RASA2: variants seen among roughly 807,000 people sequenced by gnomAD.
RASA2 encodes the protein RAS p21 protein activator 2.
A neutral mutation model predicts 118.2 loss-of-function variants in RASA2; 155 were observed. The ratio of observed to expected loss-of-function variants is 1.31; its 90% confidence interval spans 1.15 to 1.50. The LOEUF (loss-of-function observed/expected upper bound fraction) is 1.50, where lower values mean the gene tolerates loss of function less well. RASA2 is among the 40% of genes most tolerant of loss of function. RASA2 has a pLI of 0.00. For synonymous variants in RASA2, 353 were observed against 349.1 expected (o/e 1.01, Z -0.12); for missense variants, 1,016 against 1,009.6 (o/e 1.01, Z -0.09).
intron 5 of RASA2, 119 bp downstream of exon 5, chr3:141,540,728 A>T: frequency 3.9e-6 from 3 of 768,596 alleles, no homozygotes; most frequent in South Asian, 1.8e-5. Flanking sequence ...AAATTCTGCT[A>T]TGTCATTCCT....
chr3:141,521,229 C>T (rs1232331188), intron 3 of RASA2, among the ~76,000 whole-genome samples: 3 of 151,894 alleles, frequency 2.0e-5, no homozygotes, highest in Non-Finnish European at 4.4e-5. Flanking sequence ...TTGGAATGAA[C>T]GAAATTACCT....
At position 141,609,595 on chromosome 3, in the gene RASA2, A is replaced by G; in HGVS notation, c.2329+72A>G. 2.5e-6 allele frequency: 3 copies of G among 1,201,978 alleles called. No individual in the cohort carries two copies. The East Asian group carries it at 7.7e-5, about 31-fold the overall frequency. 74.5% of individuals were successfully genotyped at this position (1,201,978 alleles called of 1,614,324 possible). On this transcript the variant is annotated intron_variant, in intron 22 of 23. Coordinates refer to ENST00000286364, the MANE Select transcript of RASA2 (RefSeq NM_006506.5). Reference sequence around the variant, plus strand: ...ATTCCTAAAGTATTGCTTTAGCATTATACAAAAGTTGAAAATACTCATAGA... The same window carrying G: ...ATTCCTAAAGTATTGCTTTAGCATTGTACAAAAGTTGAAAATACTCATAGA...
intron 19 of RASA2, among the ~76,000 whole-genome samples, chr3:141,599,769 T>C (rs1344278851): frequency 6.6e-6 from 1 of 152,012 alleles, no homozygotes; most frequent in African/African-American, 2.4e-5. Context: ...GCGTTTTCAT[T>C]CAGTCTAATA....
At chr3:141,539,455 T>G (rs767971598) in intron 4 of RASA2, among the ~76,000 whole-genome samples, 1 of 152,170 alleles carries the variant, frequency 6.6e-6, no homozygotes, top group Non-Finnish European at 1.5e-5. Flanking sequence ...GACCTCAGAT[T>G]CATTCTTGTA....
intron 7 of RASA2, among the ~76,000 whole-genome samples, chr3:141,557,694 G>A (rs1276683514): frequency 6.6e-6 from 1 of 152,068 alleles, no homozygotes; most frequent in East Asian, 1.9e-4. Context: ...GGAGACTGTT[G>A]TACTTTAGGT....
intron 19 of RASA2, among the ~76,000 whole-genome samples, chr3:141,603,172 T>G (rs771599726): frequency 7.9e-5 from 12 of 152,210 alleles, no homozygotes; most frequent in Non-Finnish European, 1.8e-4. Flanking sequence ...CCATCTTTCT[T>G]AACACTATTA....
intron 6 of RASA2, among the ~76,000 whole-genome samples, chr3:141,554,811 T>G (rs1217542816): frequency 1.3e-5 from 2 of 152,244 alleles, no homozygotes; most frequent in African/African-American, 4.8e-5. Flanking sequence ...TAGCAGATAC[T>G]CAGTCGTATG....
rs776362955 is a variant in RASA2, at chr3:141,612,295, T to C, written c.2532T>C (p.Ile844=). 3 of 1,589,162 alleles carry C rather than the reference T, an allele frequency of 1.9e-6. No individual in the cohort carries two copies. The highest frequency in any genetic ancestry group is 2.6e-6 in the Non-Finnish European group (3 of 1,163,090). The part of the protein sequence containing the change: ...SAKYGSKENP[I]VGKAS ...TTTTCTTCTCTAGGGAAAATCCAAT[T>C]GTTGGGAAAGCATCTTAGAGTTTAA... is the stretch of plus-strand genomic sequence containing the variant. The change falls in exon 24 of 24, where the codon ATT becomes ATC. Residue 844 remains isoleucine (I), a synonymous_variant. Transcript: ENST00000286364.
At chr3:141,610,527 G>A (rs2083633891) in intron 23 of RASA2, among the ~76,000 whole-genome samples, 1 of 143,914 alleles carries the variant, frequency 6.9e-6, no homozygotes, top group African/African-American at 2.6e-5. Context: ...TTCTTGCCCT[G>A]TCACACAGGC....
chr3:141,587,902 T>A (rs899216733), intron 19 of RASA2, among the ~76,000 whole-genome samples: 1 of 152,014 alleles, frequency 6.6e-6, no homozygotes, highest in Non-Finnish European at 1.5e-5. Flanking sequence ...AGAATCATTT[T>A]AAAATAAACA....
At chr3:141,535,660 G>C (rs2082316566) in intron 4 of RASA2, among the ~76,000 whole-genome samples, 1 of 152,186 alleles carries the variant, frequency 6.6e-6, no homozygotes, top group South Asian at 2.1e-4. Context: ...TTACAATCAT[G>C]GTGGAAGGTA....
chr3:141,597,492 G>A (rs2083392135), intron 19 of RASA2, among the ~76,000 whole-genome samples: 1 of 152,054 alleles, frequency 6.6e-6, no homozygotes, highest in Admixed American at 6.5e-5. Flanking sequence ...CAGGCATGAG[G>A]GATTTTATTG....
rs193087067 is a variant in RASA2, at chr3:141,614,619, T to C, written c.*2306T>C. On this transcript the variant is annotated 3_prime_UTR_variant, in exon 24 of 24. Coordinates refer to ENST00000286364, the MANE Select transcript of RASA2 (RefSeq NM_006506.5). ...AAGGATGATATGGGGAAATTTGCCA[T>C]AAATGCCGGTTCTGGTTCTTAGTTT... 3.3e-5 allele frequency: 5 copies of C among 152,360 alleles called. No homozygotes were observed. The highest frequency in any genetic ancestry group is 5.9e-5 in the Non-Finnish European group (4 of 68,026). 9.4% of individuals were successfully genotyped at this position (152,360 alleles called of 1,614,324 possible).
intron 19 of RASA2, among the ~76,000 whole-genome samples, chr3:141,603,874 A>G (rs753015514): frequency 2.3e-4 from 35 of 152,338 alleles, no homozygotes; most frequent in South Asian, 8.3e-4. Context: ...TTCACTCAGC[A>G]TAATGTTTTG....
At chr3:141,565,381 A>G (rs184045052) in intron 9 of RASA2, among the ~76,000 whole-genome samples, 51 of 152,298 alleles carry the variant, frequency 3.3e-4, no homozygotes, top group African/African-American at 1.0e-3. Context: ...CAAAGTATCA[A>G]TTGTCAGGAT....
At chr3:141,581,991 G>A (rs1493210) in intron 17 of RASA2, among the ~76,000 whole-genome samples, 19,634 of 152,130 alleles carry the variant, frequency 0.13, 1,825 homozygotes, top group East Asian at 0.24. Context: ...TAGTCTAGAA[G>A]TTAAGAATTA....
chr3:141,532,445 A>G (rs947077778), intron 4 of RASA2, among the ~76,000 whole-genome samples: 9 of 152,170 alleles, frequency 5.9e-5, no homozygotes, highest in African/African-American at 1.9e-4. Flanking sequence ...GAATGTCATC[A>G]TAGGAACTTT....
chr3:141,593,695 G>A (rs2083319884), intron 19 of RASA2, among the ~76,000 whole-genome samples: 1 of 152,196 alleles, frequency 6.6e-6, no homozygotes, highest in Non-Finnish European at 1.5e-5. Context: ...AGAGAGCTTA[G>A]CAAACACTTA....
chr3:141,524,967 A>G (rs1177130503), intron 3 of RASA2, among the ~76,000 whole-genome samples: 1 of 152,158 alleles, frequency 6.6e-6, no homozygotes, highest in African/African-American at 2.4e-5. Context: ...GATTTTCCTA[A>G]TTGGTGAATT....
Sources: gnomAD v4.1 joint callset for allele counts (sites outside exome capture counted in the v4.1 genomes callset) on GRCh38, gnomAD v4.1.1 for gene constraint, MANE v1.5 for transcripts, NCBI Gene and HGNC (gene_info 2026-07-23, HGNC 2026-07-21) for gene names.